MAP4: variants seen among roughly 807,000 people sequenced by gnomAD.
The protein encoded by MAP4 is microtubule-associated protein 4.
In MAP4, 76 loss-of-function variants were observed where a neutral mutation model predicts 170.2. The observed-to-expected ratio is 0.45, with a 90% CI of 0.37 to 0.54. The LOEUF is 0.54. Ranked by LOEUF, MAP4 falls within the 20% of genes least tolerant of loss-of-function variation. The pLI, the probability that MAP4 is intolerant of heterozygous loss-of-function variation, is 0.00. For synonymous variants in MAP4, 909 were observed against 994.5 expected, an observed-to-expected ratio of 0.91 and a Z score of 1.62; for missense variants, 2,506 against 2,748.0, an observed-to-expected ratio of 0.91 and a Z score of 1.97.
At chr3:48,065,580 G>A (rs531579990) in intron 1 of MAP4, among the ~76,000 whole-genome samples, 13 of 152,154 alleles carry the variant, frequency 8.5e-5, no homozygotes, top group Admixed American at 1.3e-4. Flanking sequence ...TATCCCTAGC[G>A]GACTATATAG....
chr3:47,922,776 A>G (rs1424773600), intron 4 of MAP4, among the ~76,000 whole-genome samples: 2 of 152,206 alleles, frequency 1.3e-5, no homozygotes, highest in South Asian at 2.1e-4. Context: ...AGGGCCGGGC[A>G]TGGTGGTTCA....
At chr3:47,933,415 G>A (rs952396245) in intron 3 of MAP4, among the ~76,000 whole-genome samples, 1 of 151,940 alleles carries the variant, frequency 6.6e-6, no homozygotes, top group Non-Finnish European at 1.5e-5. Flanking sequence ...TTTTGGGTAT[G>A]TAAATTACAC....
upstream of MAP4, among the ~76,000 whole-genome samples, chr3:48,017,148 G>A (rs1379660074): frequency 6.6e-6 from 1 of 152,008 alleles, no homozygotes; most frequent in Non-Finnish European, 1.5e-5. Context: ...AAAAAAAAAT[G>A]AGAAATGGAA....
chr3:47,935,555 G>A (rs985220786), intron 3 of MAP4, among the ~76,000 whole-genome samples: 5 of 152,006 alleles, frequency 3.3e-5, no homozygotes, highest in African/African-American at 1.2e-4. Context: ...TTTCCCCACC[G>A]AAGAAGTAGA....
At chr3:48,085,756 T>C (rs1269161219) in intron 1 of MAP4, among the ~76,000 whole-genome samples, 2 of 152,130 alleles carry the variant, frequency 1.3e-5, no homozygotes, top group Non-Finnish European at 2.9e-5. Context: ...ACCCCATCTT[T>C]ACTAAAAATT....
At chr3:47,976,438 C>CTCTT (rs1242698122) in intron 3 of MAP4, among the ~76,000 whole-genome samples, 3 of 152,356 alleles carry the variant, frequency 2.0e-5, no homozygotes, top group African/African-American at 7.2e-5. Flanking sequence ...ATGGCATCCA[C>CTCTT]TCTTTCAACT....
chr3:47,879,734 G>A (rs2096327814), intron 10 of MAP4, among the ~76,000 whole-genome samples: 1 of 152,206 alleles, frequency 6.6e-6, no homozygotes, highest in African/African-American at 2.4e-5. Flanking sequence ...CTGGCCTGGA[G>A]TGGCTGGTTA....
intron 11 of MAP4, 97 bp downstream of exon 11, chr3:47,877,320 A>G: frequency 1.0e-6 from 1 of 960,526 alleles, no homozygotes. Context: ...AACAGCTCAG[A>G]AAAAAGAAAT....
chr3:48,075,971 T>G (rs2100143676), intron 1 of MAP4, among the ~76,000 whole-genome samples: 1 of 111,934 alleles, frequency 8.9e-6, no homozygotes, highest in Non-Finnish European at 1.7e-5. Flanking sequence ...TGAAACTCCA[T>G]CTCAAAAAAA....
At chr3:48,057,032 A>AG (rs1344921091) in intron 1 of MAP4, among the ~76,000 whole-genome samples, 2 of 138,582 alleles carry the variant, frequency 1.4e-5, no homozygotes, top group Non-Finnish European at 3.1e-5. Flanking sequence ...CCGGGAGGTG[A>AG]GGGGCGCCTC....
In MAP4 at chr3:47,852,638, C is replaced by T. The variant is rs574661047; in HGVS notation, c.*296G>A. 7.5e-5 allele frequency: 80 copies of T among 1,062,586 alleles called. No individual in the cohort carries two copies. The Middle Eastern group carries it at 2.5e-3, about 33-fold the overall frequency. 65.8% of individuals were successfully genotyped at this position (1,062,586 alleles called of 1,614,324 possible). A position where few individuals can be genotyped will look rare whatever the true frequency, so the allele number is the denominator to read the frequency against. ...CCCAACCTCCTCCACGGAGCAGTGG[C>T]GCAGTGATGGGGCAAGACCAAAGCA... On this transcript the variant is annotated 3_prime_UTR_variant, in exon 21 of 21. Transcript: ENST00000683076.
rs527745100 is a variant in MAP4, at chr3:48,073,401, C to G, written c.-20+15372G>C. On this transcript the variant is annotated intron_variant, in intron 1 of 18. Transcript: ENST00000360240. ...TGAGGCGGGTGGGATCACCTGAGGT[C>G]GGGAGTATGAGATCAGCCTGACCAA... is the stretch of plus-strand genomic sequence containing the variant. Among the ~76,000 whole-genome samples, 9 of 151,516 alleles carry G rather than the reference C, an allele frequency of 5.9e-5. No homozygotes were observed. The East Asian group carries it at 1.6e-3, about 26-fold the overall frequency.
rs752358488 is a variant in MAP4, at chr3:47,852,918, C to T, written c.*16G>A. The T allele has an allele frequency of 1.3e-5, 21 of 1,610,620 alleles. No homozygotes were observed. The South Asian group carries it at 1.3e-4, about 10-fold the overall frequency. On this transcript the variant is annotated 3_prime_UTR_variant, in exon 21 of 21. Transcript: ENST00000683076. ...TGCGGGCCCTGGCATTTGCCCGGAA[C>T]GTCAGCCTGTAGGTCTCAATCTGCA...
At chr3:48,070,625 T>G (rs1213118347) in intron 1 of MAP4, among the ~76,000 whole-genome samples, 1 of 150,898 alleles carries the variant, frequency 6.6e-6, no homozygotes, top group East Asian at 2.0e-4. Context: ...CCTGGCCCTA[T>G]TTTGTGTTTT....
chr3:48,028,710 G>A (rs1249229608), intron 1 of MAP4, among the ~76,000 whole-genome samples: 1 of 151,608 alleles, frequency 6.6e-6, no homozygotes, highest in Non-Finnish European at 1.5e-5. Context: ...AGGCGGAGGT[G>A]GCAGTGAGCC....
chr3:48,083,728 T>G (rs1174703734), intron 1 of MAP4, among the ~76,000 whole-genome samples: 1 of 149,386 alleles, frequency 6.7e-6, no homozygotes, highest in Non-Finnish European at 1.5e-5. Flanking sequence ...TACAGTAAGA[T>G]TAACTTTTTT....
chr3:48,048,940 CT>C (rs767841318), intron 1 of MAP4, among the ~76,000 whole-genome samples: 12 of 152,304 alleles, frequency 7.9e-5, no homozygotes, highest in Non-Finnish European at 1.2e-4. Context: ...TACTACCCCC[CT>C]GTCCCCTGGC....
intron 2 of MAP4, among the ~76,000 whole-genome samples, chr3:47,993,565 A>G (rs1317010763): frequency 6.6e-6 from 1 of 152,248 alleles, no homozygotes; most frequent in Non-Finnish European, 1.5e-5. Context: ...AAATGGTTGC[A>G]TCCAGATGAG....
Position 47,872,079 on chromosome 3 carries a change from G to T in MAP4, c.5779C>A (p.Pro1927Thr), listed in dbSNP as rs756101870. 9 of 1,612,456 alleles carry T rather than the reference G, an allele frequency of 5.6e-6. No homozygotes were observed. The highest frequency in any genetic ancestry group is 1.7e-5 in the Admixed American group (1 of 59,922). Residue 1927 changes from proline (P) to threonine (T), a missense_variant, in exon 13 of 21, where the codon CCT becomes ACT. By Grantham distance (38) the Pro-to-Thr change is conservative. This residue lies in a region of MAP4 where 487 missense variants were observed against 511.6 expected (regional missense o/e 0.95). Transcript: ENST00000683076. Reference sequence around the variant, plus strand: ...TTGGATGGTGAGGCCCGCTTCTCAGGAGCCTTTGCATCTGCAATGGGCTGG... The same window carrying T: ...TTGGATGGTGAGGCCCGCTTCTCAGTAGCCTTTGCATCTGCAATGGGCTGG... ...KPKPIADAKA[P>T]EKRASPSKPA...
Sources: gnomAD v4.1 joint callset for allele counts (sites outside exome capture counted in the v4.1 genomes callset) on GRCh38, gnomAD v4.1.1 for gene constraint, gnomAD v4.1.1 regional missense constraint, MANE v1.5 for transcripts, NCBI Gene and HGNC (gene_info 2026-07-23, HGNC 2026-07-21) for gene names.